ANKRD30B: variants seen among roughly 807,000 people sequenced by gnomAD.
ANKRD30B encodes the protein ankyrin repeat domain-containing protein 30B.
In ANKRD30B, 144 loss-of-function variants were observed where a neutral mutation model predicts 202.2. That is an observed-to-expected ratio of 0.71 (90% CI 0.62 to 0.82). ANKRD30B has a LOEUF of 0.82. ANKRD30B is among the 40% of genes least tolerant of loss of function. ANKRD30B has a pLI of 0.00. For synonymous variants in ANKRD30B, 508 were observed against 561.3 expected, an observed-to-expected ratio of 0.91 and a Z score of 1.34; for missense variants, 1,487 against 1,669.1, an observed-to-expected ratio of 0.89 and a Z score of 1.90.
At chr18:14,885,375 T>G in the ANKRD30B span, among the ~76,000 whole-genome samples, 1 of 152,130 alleles carries the variant, frequency 6.6e-6, no homozygotes, top group South Asian at 2.1e-4. Flanking sequence ...AGGTATCAAT[T>G]TTGCTTACTG....
chr18:14,771,694 C>T (rs1598595490), intron 8 of ANKRD30B, among the ~76,000 whole-genome samples: 2 of 152,076 alleles, frequency 1.3e-5, no homozygotes, highest in South Asian at 4.1e-4. Flanking sequence ...ACAGATTAGT[C>T]TTTGAATCAG....
At chr18:14,934,677 C>A in the ANKRD30B span, among the ~76,000 whole-genome samples, 1 of 152,048 alleles carries the variant, frequency 6.6e-6, no homozygotes, top group Non-Finnish European at 1.5e-5. Flanking sequence ...CAGGGAGGGG[C>A]TGGCATGGAC....
chr18:14,764,887 G>A (rs1411040508), intron 7 of ANKRD30B, among the ~76,000 whole-genome samples: 2 of 152,192 alleles, frequency 1.3e-5, no homozygotes, highest in African/African-American at 2.4e-5. Flanking sequence ...CAGTCACTAG[G>A]AAAGCAAATG....
At chr18:14,751,740 G>A (rs1298427084) in intron 1 of ANKRD30B, among the ~76,000 whole-genome samples, 2 of 152,116 alleles carry the variant, frequency 1.3e-5, no homozygotes, top group Non-Finnish European at 2.9e-5. Flanking sequence ...TGAGGAAGTA[G>A]TTTGTTTTAA....
In ANKRD30B at chr18:14,854,568, T is replaced by C. The variant is rs1426656366; in HGVS notation, c.*410T>C. Among the ~76,000 whole-genome samples, 1 of 152,206 alleles carries C rather than the reference T, an allele frequency of 6.6e-6. No individual in the cohort carries two copies. The highest frequency in any genetic ancestry group is 1.9e-4 in the East Asian group (1 of 5,198). On this transcript the variant is annotated 3_prime_UTR_variant, in exon 44 of 44. Coordinates refer to ENST00000690538, the MANE Select transcript of ANKRD30B (RefSeq NM_001367607.2). Reference sequence around the variant, plus strand: ...TGTCACAATGGACTGCAGAGTGTCATACATAGTTTTCAGTAAAATACTGGA... The same window carrying C: ...TGTCACAATGGACTGCAGAGTGTCACACATAGTTTTCAGTAAAATACTGGA...
chr18:14,838,155 T>C (rs146095018), intron 36 of ANKRD30B, among the ~76,000 whole-genome samples: 13 of 152,254 alleles, frequency 8.5e-5, no homozygotes, highest in Non-Finnish European at 1.9e-4. Context: ...TGTAGAATAG[T>C]GCAAAACAAA....
chr18:14,846,153 G>A (rs1199184506), intron 39 of ANKRD30B, among the ~76,000 whole-genome samples: 1 of 151,526 alleles, frequency 6.6e-6, no homozygotes, highest in African/African-American at 2.4e-5. Flanking sequence ...ATGCTGAAAA[G>A]CTTTATTTAA....
At chr18:14,924,451 T>C in the ANKRD30B span, among the ~76,000 whole-genome samples, 2 of 152,240 alleles carry the variant, frequency 1.3e-5, no homozygotes, top group African/African-American at 4.8e-5. Flanking sequence ...ACGTGCTCCA[T>C]GCCCGGCCTG....
At chr18:14,917,459 C>T in the ANKRD30B span, among the ~76,000 whole-genome samples, 1 of 152,236 alleles carries the variant, frequency 6.6e-6, no homozygotes, top group Non-Finnish European at 1.5e-5. Context: ...CCAGGTTTCA[C>T]CCTTCCCTGC....
chr18:14,928,845 T>A, the ANKRD30B span, among the ~76,000 whole-genome samples: 1 of 152,174 alleles, frequency 6.6e-6, no homozygotes, highest in Non-Finnish European at 1.5e-5. Flanking sequence ...ATCTGCCGAG[T>A]GGGGCCATTC....
At chr18:14,819,113 T>C (rs1277521513) in intron 30 of ANKRD30B, among the ~76,000 whole-genome samples, 58 of 151,742 alleles carry the variant, frequency 3.8e-4, no homozygotes, top group African/African-American at 1.1e-3. Context: ...TGATGGCCAG[T>C]GATGATGAGC....
In ANKRD30B at chr18:14,748,446, C is replaced by G; in HGVS notation, c.27C>G (p.Gly9=). 6.6e-7 allele frequency: 1 copy of G among 1,523,630 alleles called. No individual in the cohort carries two copies. The highest frequency in any genetic ancestry group is 1.2e-5 in the South Asian group (1 of 80,572). The allele number at this position is 1,523,630 out of a possible 1,614,324, so 94.4% of individuals were successfully genotyped here. A position where few individuals can be genotyped will look rare whatever the true frequency, so the allele number is the denominator to read the frequency against. MKRLLAAA[G]KGVRGPEPPN... ...TGAAGAGGCTCTTAGCTGCCGCTGGCAAGGGCGTGCGGGGCCCGGAGCCCC... is the reference window on the plus strand; with the variant it reads ...TGAAGAGGCTCTTAGCTGCCGCTGGGAAGGGCGTGCGGGGCCCGGAGCCCC... Residue 9 remains glycine, a synonymous_variant, in exon 1 of 44, where the codon GGC becomes GGG. Transcript: ENST00000690538.
Position 14,852,089 on chromosome 18 carries a change from A to G in ANKRD30B, c.4145A>G (p.His1382Arg). ...DLRENALVSE[H>R]AQRDRCETQC... The stretch of plus-strand genomic sequence containing the variant: ...AGAGAAAATGCATTGGTTTCAGAAC[A>G]TGCACAAAGAGACCGATGTGAAACA... The change falls in exon 42 of 44, where the codon CAT becomes CGT. Residue 1382 changes from histidine to arginine, a missense_variant. His to Arg is a conservative substitution (Grantham distance 29). Coordinates refer to ENST00000690538, the MANE Select transcript of ANKRD30B (RefSeq NM_001367607.2). 6.2e-7 allele frequency: 1 copy of G among 1,610,056 alleles called. No individual in the cohort carries two copies. Among genetic ancestry groups the G allele is most frequent in the Non-Finnish European group, 8.5e-7 (1 of 1,177,618 alleles).
chr18:14,904,639 C>A, the ANKRD30B span, among the ~76,000 whole-genome samples: 3 of 152,146 alleles, frequency 2.0e-5, no homozygotes, highest in African/African-American at 7.2e-5. Flanking sequence ...CATCTGATTC[C>A]TCTGTTGATG....
intron 6 of ANKRD30B, among the ~76,000 whole-genome samples, 169 bp downstream of exon 6, chr18:14,760,787 T>G (rs1915138133): frequency 6.6e-6 from 1 of 152,148 alleles, no homozygotes; most frequent in Non-Finnish European, 1.5e-5. Flanking sequence ...TTTGATTTAT[T>G]TTTTAAATTT....
the ANKRD30B span, among the ~76,000 whole-genome samples, chr18:14,908,674 C>T: frequency 2.6e-5 from 4 of 152,112 alleles, no homozygotes; most frequent in East Asian, 1.9e-4. Context: ...CTTTAGCTCC[C>T]GTGTGGAGCC....
chr18:14,939,393 C>T, the ANKRD30B span, among the ~76,000 whole-genome samples: 106 of 152,288 alleles, frequency 7.0e-4, no homozygotes, highest in African/African-American at 2.1e-3. Flanking sequence ...TCCTCACACC[C>T]AAGGTCCCTG....
At chr18:14,765,498 A>G (rs1915981620) in intron 7 of ANKRD30B, among the ~76,000 whole-genome samples, 1 of 152,044 alleles carries the variant, frequency 6.6e-6, no homozygotes, top group South Asian at 2.1e-4. Context: ...AAAAAGAAAT[A>G]TGTTAGGCCA....
chr18:14,797,954 T>C, intron 20 of ANKRD30B, 100 bp downstream of exon 20: 2 of 1,146,168 alleles, frequency 1.7e-6, no homozygotes, highest in Non-Finnish European at 2.4e-6. Flanking sequence ...TTTTGAAAAT[T>C]TGATGGGAAA....
Sources: gnomAD v4.1 joint callset for allele counts (sites outside exome capture counted in the v4.1 genomes callset) on GRCh38, gnomAD v4.1.1 for gene constraint, MANE v1.5 for transcripts, NCBI Gene and HGNC (gene_info 2026-07-23, HGNC 2026-07-21) for gene names.